Variants in SYT16 observed in about 807,000 individuals in gnomAD.
The protein encoded by SYT16 is synaptotagmin 16.
In SYT16, 42 loss-of-function variants were observed where a neutral mutation model predicts 61.4. That is an observed-to-expected ratio of 0.68 (90% CI 0.53 to 0.89). SYT16 has a LOEUF of 0.89. Among genes scored for constraint, SYT16 ranks in the 40% least tolerant of loss-of-function variants. The probability of loss-of-function intolerance (pLI) is 0.00; values close to 1 mark genes in which losing one functional copy is unlikely to be tolerated. For missense variants in SYT16, 804 were observed against 807.3 expected (o/e 1.00, Z 0.05); for synonymous variants, 314 against 302.3 (o/e 1.04, Z -0.40).
rs1177458622 is a variant in SYT16 at position 62,103,443 on chromosome 14, A to C, written c.*2736A>C. The C allele has an allele frequency of 1.3e-5, 2 of 152,212 alleles. No individual in the cohort carries two copies. Among genetic ancestry groups the C allele is most frequent in the African/African-American group, 4.8e-5 (2 of 41,458 alleles). 9.4% of individuals were successfully genotyped at this position (152,212 alleles called of 1,614,324 possible). ...GCATGCTTTTAAAATAATATCGTTAAGAGTAAATGATGCGCTGGGTTTATG... is the reference window on the plus strand; with the variant it reads ...GCATGCTTTTAAAATAATATCGTTACGAGTAAATGATGCGCTGGGTTTATG... On this transcript the variant is annotated 3_prime_UTR_variant, in exon 8 of 8. Coordinates refer to ENST00000683842, the MANE Select transcript of SYT16 (RefSeq NM_001367656.1).
chr14:62,043,436 G>C (rs1326371728), intron 3 of SYT16, among the ~76,000 whole-genome samples: 3 of 135,744 alleles, frequency 2.2e-5, no homozygotes, highest in Non-Finnish European at 4.7e-5. Flanking sequence ...GAGATGGAGT[G>C]TTTCTCTGTC....
At chr14:61,819,217 T>C (rs1485828466) in intron 1 of SYT16, among the ~76,000 whole-genome samples, 2 of 152,214 alleles carry the variant, frequency 1.3e-5, no homozygotes, top group African/African-American at 4.8e-5. Flanking sequence ...GGATGACATT[T>C]GTCCTTTTAG....
At chr14:61,862,068 G>T (rs560385150) in intron 1 of SYT16, among the ~76,000 whole-genome samples, 1 of 152,102 alleles carries the variant, frequency 6.6e-6, no homozygotes, top group African/African-American at 2.4e-5. Context: ...AAAATGAAGC[G>T]CAATAAAGTG....
rs1006351877 is a variant in SYT16, at chr14:62,103,599, T to C, written c.*2892T>C. The C allele has an allele frequency of 6.6e-6, 1 of 152,258 alleles. No individual in the cohort carries two copies. Among genetic ancestry groups the C allele is most frequent in the African/African-American group, 2.4e-5 (1 of 41,466 alleles). 9.4% of individuals were successfully genotyped at this position (152,258 alleles called of 1,614,324 possible). ...CTCTGACTATTGTTGAATTTTTAAA[T>C]GGACCATTCACCAGGCAGCCGAACA... On this transcript the variant is annotated 3_prime_UTR_variant, in exon 8 of 8. Coordinates refer to ENST00000683842, the MANE Select transcript of SYT16 (RefSeq NM_001367656.1).
chr14:62,015,872 G>A (rs535828015), intron 3 of SYT16, among the ~76,000 whole-genome samples: 2 of 152,272 alleles, frequency 1.3e-5, no homozygotes, highest in Admixed American at 6.5e-5. Context: ...CAGCCTGAAC[G>A]AACTAAAATA....
At chr14:61,929,391 A>G (rs922097287) in intron 1 of SYT16, among the ~76,000 whole-genome samples, 3 of 152,152 alleles carry the variant, frequency 2.0e-5, no homozygotes, top group Non-Finnish European at 2.9e-5. Flanking sequence ...TGTTGTTTGT[A>G]GGGGAGGATG....
chr14:61,812,591 C>A, upstream of SYT16: 1 of 149,842 alleles, frequency 6.7e-6, no homozygotes, highest in South Asian at 1.8e-4. Flanking sequence ...GCTGGGCTCT[C>A]AGGACGCCGG....
chr14:62,054,629 T>C (rs1384881536), intron 3 of SYT16, among the ~76,000 whole-genome samples: 1 of 152,172 alleles, frequency 6.6e-6, no homozygotes. Context: ...CCCAAAGTGC[T>C]GGGATTACAG....
intron 1 of SYT16, among the ~76,000 whole-genome samples, chr14:61,856,976 G>A: frequency 6.6e-6 from 1 of 152,172 alleles, no homozygotes; most frequent in East Asian, 1.9e-4. Flanking sequence ...TGTCAAATGT[G>A]GTTAAGTTAG....
At chr14:61,998,988 G>C (rs1438140829) in intron 3 of SYT16, among the ~76,000 whole-genome samples, 1 of 151,908 alleles carries the variant, frequency 6.6e-6, no homozygotes, top group African/African-American at 2.4e-5. Flanking sequence ...TGCATAGCTT[G>C]GATAAAATCC....
intron 1 of SYT16, among the ~76,000 whole-genome samples, chr14:61,883,512 G>T (rs1397380477): frequency 6.6e-6 from 1 of 152,138 alleles, no homozygotes; most frequent in Non-Finnish European, 1.5e-5. Flanking sequence ...GACCACCTTA[G>T]CCTGGACTTC....
chr14:62,049,701 G>C (rs1274315993), intron 3 of SYT16, among the ~76,000 whole-genome samples: 1 of 152,158 alleles, frequency 6.6e-6, no homozygotes, highest in Non-Finnish European at 1.5e-5. Flanking sequence ...GCATTTGCTT[G>C]TCTGTAAAGG....
At chr14:61,996,646 C>G (rs1240285553) in intron 3 of SYT16, 104 bp downstream of exon 3, 16 of 1,341,042 alleles carry the variant, frequency 1.2e-5, no homozygotes, top group Non-Finnish European at 1.5e-5. Context: ...ATTTTTCTCT[C>G]TCTTATACCT....
At chr14:61,858,120 CAAAAAAAA>C (rs34781118) in intron 1 of SYT16, among the ~76,000 whole-genome samples, 6 of 43,224 alleles carry the variant, frequency 1.4e-4, no homozygotes, top group African/African-American at 2.9e-4. Context: ...CACAGCTTGG[CAAAAAAAA>C]AAAAAAAAAA....
intron 1 of SYT16, among the ~76,000 whole-genome samples, chr14:61,893,913 T>G (rs945295536): frequency 6.6e-6 from 1 of 152,200 alleles, no homozygotes; most frequent in Non-Finnish European, 1.5e-5. Context: ...CTTTTTCTTT[T>G]GCAAATCTTG....
intron 1 of SYT16, among the ~76,000 whole-genome samples, chr14:61,924,086 A>G (rs2049442310): frequency 6.6e-6 from 1 of 152,216 alleles, no homozygotes; most frequent in African/African-American, 2.4e-5. Flanking sequence ...TTATTTTGAC[A>G]TTAAAGTTGA....
intron 3 of SYT16, among the ~76,000 whole-genome samples, chr14:62,052,739 A>G (rs2055365660): frequency 6.6e-6 from 1 of 152,210 alleles, no homozygotes; most frequent in African/African-American, 2.4e-5. Context: ...CTTCATAAGA[A>G]AAGGCAAGGG....
chr14:61,996,568 C>T, intron 3 of SYT16, 26 bp downstream of exon 3: 1 of 1,558,176 alleles, frequency 6.4e-7, no homozygotes, highest in Non-Finnish European at 8.6e-7. Context: ...ATCATTTTCT[C>T]TGCGTTCCTC....
intron 3 of SYT16, among the ~76,000 whole-genome samples, chr14:62,052,325 G>T (rs1443167151): frequency 1.3e-5 from 2 of 151,770 alleles, no homozygotes; most frequent in Non-Finnish European, 2.9e-5. Flanking sequence ...CTTTTTCTTT[G>T]ACCCATCAAT....
Sources: allele counts gnomAD v4.1 joint callset (sites outside exome capture counted in the v4.1 genomes callset), GRCh38; gene constraint gnomAD v4.1.1; transcripts MANE v1.5; gene names NCBI Gene and HGNC (gene_info 2026-07-23, HGNC 2026-07-21).